Variants in AAK1 observed in about 807,000 individuals in gnomAD.
AAK1 encodes AP2 associated kinase 1, also known as AP2-associated protein kinase 1.
AAK1 carries 37 observed loss-of-function variants against 116.0 expected under a neutral mutation model. The observed-to-expected ratio is 0.32, with a 90% confidence interval of 0.25 to 0.42. The LOEUF is 0.42. AAK1 is among the 10% of genes least tolerant of loss of function. The pLI is 1.00. For synonymous variants in AAK1, 458 were observed against 439.9 expected (o/e 1.04, Z -0.51); for missense variants, 919 against 1,170.6 (o/e 0.79, Z 3.14).
At chr2:69,617,518 A>G (rs541789048) in intron 2 of AAK1, among the ~76,000 whole-genome samples, 22 of 152,364 alleles carry the variant, frequency 1.4e-4, no homozygotes, top group Admixed American at 1.1e-3. Flanking sequence ...TATTAAAAGC[A>G]TACAAAAAGA....
rs745699413 is a variant in AAK1, at chr2:69,556,925, A to G, written c.217T>C (p.Leu73=). 1.4e-5 allele frequency: 22 copies of G among 1,613,876 alleles called. No homozygotes were observed. Among genetic ancestry groups the G allele is most frequent in the Non-Finnish European group, 1.7e-6 (2 of 1,179,858 alleles). The part of the protein sequence containing the change: ...VRTSNGMKCA[L]KRMFVNNEHD... ...TCATTGTTGACAAACATGCGTTTCA[A>G]GGCACATTTCATCCCATTGCTTGTC... The change falls in exon 3 of 22, where the codon TTG becomes CTG. Residue 73 remains leucine, a synonymous_variant. Transcript: ENST00000409085.
At chr2:69,610,026 G>C (rs1322075275) in intron 2 of AAK1, among the ~76,000 whole-genome samples, 1 of 147,112 alleles carries the variant, frequency 6.8e-6, no homozygotes, top group African/African-American at 2.5e-5. Flanking sequence ...ACTCCAGCCT[G>C]GGCGACAGAG....
chr2:69,620,330 G>C (rs541320288), intron 2 of AAK1, among the ~76,000 whole-genome samples: 1 of 152,104 alleles, frequency 6.6e-6, no homozygotes, highest in African/African-American at 2.4e-5. Flanking sequence ...ATGAGGAACT[G>C]CCCTCTCTTC....
At chr2:69,569,727 A>G (rs561988181) in intron 2 of AAK1, among the ~76,000 whole-genome samples, 2 of 152,290 alleles carry the variant, frequency 1.3e-5, no homozygotes, top group East Asian at 3.9e-4. Context: ...AACTTCAGAA[A>G]AATAGACTCA....
At position 69,470,452 on chromosome 2, in the gene AAK1, T is replaced by G. The variant is rs981749527; in HGVS notation, c.*5417A>C. ...GCATTTGGTTCCACCATATATTAGGTAGCTGCATTAAAACCCACGACTGGG... is the reference window on the plus strand; with the variant it reads ...GCATTTGGTTCCACCATATATTAGGGAGCTGCATTAAAACCCACGACTGGG... On this transcript the variant is annotated 3_prime_UTR_variant, in exon 22 of 22. Coordinates refer to ENST00000409085, the MANE Select transcript of AAK1 (RefSeq NM_014911.5). 10 of 985,296 alleles carry G rather than the reference T, an allele frequency of 1.0e-5. No homozygotes were observed. In the East Asian group the frequency reaches 1.1e-3, roughly 112 times the overall value. 61.0% of individuals were successfully genotyped at this position (985,296 alleles called of 1,614,324 possible).
Position 69,580,151 on chromosome 2 carries a change from T to G in AAK1, c.164-23173A>C, listed in dbSNP as rs566549896. Among the ~76,000 whole-genome samples the G allele has an allele frequency of 1.2e-4, 19 of 152,338 alleles. No homozygotes were observed. The South Asian group carries it at 1.7e-3, about 13-fold the overall frequency. On this transcript the variant is annotated intron_variant, in intron 2 of 21. Coordinates refer to ENST00000409085, the MANE Select transcript of AAK1 (RefSeq NM_014911.5). ...TCTGCCCATACTAACAGCCACTGGCTTATTTCAGATCCTCCTCATTTTTCT... is the reference window on the plus strand; with the variant it reads ...TCTGCCCATACTAACAGCCACTGGCGTATTTCAGATCCTCCTCATTTTTCT...
Position 69,464,130 on chromosome 2 carries a change from T to C in AAK1, c.*11739A>G, listed in dbSNP as rs1674412889. 6.6e-6 allele frequency: 1 copy of C among 152,564 alleles called. No individual in the cohort carries two copies. Among genetic ancestry groups the C allele is most frequent in the African/African-American group, 2.4e-5 (1 of 41,450 alleles). The allele number at this position is 152,564 out of a possible 1,614,324, so 9.5% of individuals were successfully genotyped here. On this transcript the variant is annotated 3_prime_UTR_variant, in exon 22 of 22. Transcript: ENST00000409085. The stretch of plus-strand genomic sequence containing the variant: ...GCCTACCTGATTCAGCTCTTTTCCA[T>C]TCTCCCAAACACTTATTTCCATGTC...
chr2:69,611,936 T>C (rs1472492189), intron 2 of AAK1, among the ~76,000 whole-genome samples: 1 of 152,200 alleles, frequency 6.6e-6, no homozygotes, highest in Non-Finnish European at 1.5e-5. Context: ...AGATGAGGTA[T>C]CTAGAGTAGG....
intron 5 of AAK1, among the ~76,000 whole-genome samples, chr2:69,537,196 C>CT (rs1431906969): frequency 6.6e-6 from 1 of 152,194 alleles, no homozygotes; most frequent in African/African-American, 2.4e-5. Context: ...CAATACTGAT[C>CT]TTTATCTTTC....
rs925806964 is a variant in AAK1, at chr2:69,465,082, TGAA to T, written c.*10784_*10786del. The T allele has an allele frequency of 2.7e-4, 51 of 191,734 alleles. No homozygotes were observed. Among genetic ancestry groups the T allele is most frequent in the African/African-American group, 1.2e-3 (50 of 41,776 alleles). 11.9% of individuals were successfully genotyped at this position (191,734 alleles called of 1,614,324 possible). On this transcript the variant is annotated 3_prime_UTR_variant, in exon 22 of 22. Coordinates refer to ENST00000409085, the MANE Select transcript of AAK1 (RefSeq NM_014911.5). The stretch of plus-strand genomic sequence containing the variant: ...CAATAGGGCCCCTTTGGGATTGGGG[TGAA>T]GAAGTATTTCAGGATTTAAACAGTT...
intron 2 of AAK1, among the ~76,000 whole-genome samples, chr2:69,584,164 G>C (rs1395741730): frequency 2.0e-5 from 3 of 152,136 alleles, no homozygotes; most frequent in Non-Finnish European, 4.4e-5. Context: ...TTCTGGTATA[G>C]TTACCTTCTC....
At chr2:69,507,707 ATT>A (rs5831976) in intron 14 of AAK1, 129 bp from the exon 15 acceptor site, 27,761 of 643,940 alleles carry the variant, frequency 0.043, no homozygotes, top group South Asian at 0.065. Context: ...CCACCACAGT[ATT>A]TTTTTTTTTT....
chr2:69,635,199 C>CGTGACATCACAAATTACTAGG, intron 2 of AAK1, among the ~76,000 whole-genome samples: 1 of 152,104 alleles, frequency 6.6e-6, no homozygotes, highest in African/African-American at 2.4e-5. Flanking sequence ...TAACAAGATG[C>CGTGACATCACAAATTACTAGG]GTGACATCAC....
At chr2:69,507,690 T>A in intron 14 of AAK1, 112 bp from the exon 15 acceptor site, 3 of 1,042,416 alleles carry the variant, frequency 2.9e-6, no homozygotes, top group Non-Finnish European at 4.0e-6. Context: ...GGTCAAACCA[T>A]CATTTTCCAC....
In AAK1 at chr2:69,582,411, G is replaced by A. The variant is rs149664541; in HGVS notation, c.164-25433C>T. Among the ~76,000 whole-genome samples the A allele has an allele frequency of 5.4e-3, 827 of 152,254 alleles. 9 individuals are homozygous for A. The highest frequency in any genetic ancestry group is 0.019 in the African/African-American group (781 of 41,550). On this transcript the variant is annotated intron_variant, in intron 2 of 21. Transcript: ENST00000409085. Reference sequence around the variant, plus strand: ...CGTGTGTGTGTGCGTGTGTGTGCGCGTGTGTGTGCGTGCACACATGCACAA... The same window carrying A: ...CGTGTGTGTGTGCGTGTGTGTGCGCATGTGTGTGCGTGCACACATGCACAA...
chr2:69,620,589 G>A (rs1674566783), intron 2 of AAK1, among the ~76,000 whole-genome samples: 1 of 152,172 alleles, frequency 6.6e-6, no homozygotes, highest in African/African-American at 2.4e-5. Context: ...CCAATCCAGA[G>A]GACACTTTCC....
intron 2 of AAK1, among the ~76,000 whole-genome samples, chr2:69,628,549 T>G (rs193100747): frequency 6.6e-6 from 1 of 152,292 alleles, no homozygotes; most frequent in Admixed American, 6.5e-5. Flanking sequence ...TCATTTGTGT[T>G]CTGTGAGCTA....
chr2:69,516,797 T>G (rs895683669), intron 12 of AAK1: 1 of 152,266 alleles, frequency 6.6e-6, no homozygotes, highest in Non-Finnish European at 1.5e-5. Context: ...CTCGGAAGGC[T>G]GAGGCGGGAG....
At chr2:69,509,868 T>C (rs1676324844) in intron 13 of AAK1, among the ~76,000 whole-genome samples, 1 of 152,140 alleles carries the variant, frequency 6.6e-6, no homozygotes, top group Non-Finnish European at 1.5e-5. Flanking sequence ...GGGCAAGCAA[T>C]AGATCCTATC....
Sources: gnomAD v4.1 joint callset for allele counts (sites outside exome capture counted in the v4.1 genomes callset) on GRCh38, gnomAD v4.1.1 for gene constraint, MANE v1.5 for transcripts, NCBI Gene and HGNC (gene_info 2026-07-23, HGNC 2026-07-21) for gene names.